BANK1: variants seen among roughly 807,000 people sequenced by gnomAD.
The protein encoded by BANK1 is B cell scaffold protein with ankyrin repeats 1, also known as B-cell scaffold protein with ankyrin repeats.
In BANK1, 95 loss-of-function variants were observed where a neutral mutation model predicts 94.5. The observed-to-expected ratio is 1.00, with a 90% confidence interval of 0.85 to 1.19. The LOEUF is 1.19. BANK1 is among the 50% of genes most tolerant of loss of function. BANK1 has a pLI of 0.00. For synonymous variants in BANK1, 334 were observed against 308.4 expected (o/e 1.08, Z -0.87); for missense variants, 987 against 932.2 (o/e 1.06, Z -0.77).
At chr4:101,805,964 A>C (rs1244095748) in intron 1 of BANK1, among the ~76,000 whole-genome samples, 1 of 152,076 alleles carries the variant, frequency 6.6e-6, no homozygotes. Flanking sequence ...TATAACTTTG[A>C]ATATTTAGTG....
intron 7 of BANK1, among the ~76,000 whole-genome samples, chr4:101,979,812 G>A (rs1398127093): frequency 6.6e-6 from 1 of 151,870 alleles, no homozygotes; most frequent in African/African-American, 2.4e-5. Flanking sequence ...ATGAAGATTA[G>A]TGCCCAATTT....
intron 1 of BANK1, among the ~76,000 whole-genome samples, chr4:101,808,041 C>T (rs928635616): frequency 4.7e-5 from 7 of 148,956 alleles, no homozygotes; most frequent in African/African-American, 7.5e-5. Flanking sequence ...GTGGAGATCA[C>T]ACGCCACTGC....
chr4:101,964,073 A>G lies in BANK1; in HGVS notation c.1206+45884A>G, dbSNP rs79861930. Among the ~76,000 whole-genome samples the G allele has an allele frequency of 3.1e-4, 47 of 152,184 alleles. 1 individual carries two copies. The East Asian group carries it at 8.9e-3, about 29-fold the overall frequency. On this transcript the variant is annotated intron_variant, in intron 7 of 16. Coordinates refer to ENST00000322953, the MANE Select transcript of BANK1 (RefSeq NM_017935.5). Reference sequence around the variant, plus strand: ...GGAACTATCATTTTGTCATCTTTATATCTTCTGCAGCATGTAGTGCTGCTT... The same window carrying G: ...GGAACTATCATTTTGTCATCTTTATGTCTTCTGCAGCATGTAGTGCTGCTT...
rs561012727 is a variant in BANK1 at position 102,065,580 on chromosome 4, A to C, written c.2212+2442A>C. Among the ~76,000 whole-genome samples the C allele has an allele frequency of 1.3e-3, 201 of 152,184 alleles. 1 individual carries two copies. The highest frequency in any genetic ancestry group is 4.8e-3 in the African/African-American group (198 of 41,564). ...AACTGTAATCTTAATGAAGAAAAAGAAACTATAGACGGAACCTGAGATGTT... is the reference window on the plus strand; with the variant it reads ...AACTGTAATCTTAATGAAGAAAAAGCAACTATAGACGGAACCTGAGATGTT... On this transcript the variant is annotated intron_variant, in intron 13 of 16. Transcript: ENST00000322953.
chr4:102,053,176 G>A (rs1440207091), intron 11 of BANK1, among the ~76,000 whole-genome samples: 1 of 152,054 alleles, frequency 6.6e-6, no homozygotes, highest in Non-Finnish European at 1.5e-5. Flanking sequence ...AGTATGACAG[G>A]TTTTTAAAAA....
At position 102,025,315 on chromosome 4, in the gene BANK1, A is replaced by G. The variant is rs201201343; in HGVS notation, c.1400A>G (p.Glu467Gly). 14 of 1,614,132 alleles carry G rather than the reference A, an allele frequency of 8.7e-6. No homozygotes were observed. In the African/African-American group the frequency reaches 1.9e-4, roughly 22 times the overall value. The stretch of plus-strand genomic sequence containing the variant: ...GGAAAACAGAATGGATCAGGCATGG[A>G]GACCAAACACAGCCCACTAGAGGTT... ...GEGKQNGSGM[E>G]TKHSPLEVGS... Residue 467 changes from glutamate to glycine, a missense_variant, in exon 9 of 17, where the codon GAG becomes GGG. By Grantham distance (98) the Glu-to-Gly change is moderately conservative. Coordinates refer to ENST00000322953, the MANE Select transcript of BANK1 (RefSeq NM_017935.5).
chr4:102,010,645 G>T (rs1739601893), intron 7 of BANK1, among the ~76,000 whole-genome samples: 1 of 151,964 alleles, frequency 6.6e-6, no homozygotes, highest in Admixed American at 6.6e-5. Context: ...CATCCACTTT[G>T]GCCTCCCAAA....
chr4:101,976,102 A>G (rs1346447506), intron 7 of BANK1, among the ~76,000 whole-genome samples: 2 of 152,172 alleles, frequency 1.3e-5, no homozygotes, highest in African/African-American at 4.8e-5. Flanking sequence ...AGGCATTTAA[A>G]GAAACATCTC....
intron 7 of BANK1, among the ~76,000 whole-genome samples, chr4:101,978,582 A>G (rs73834535): frequency 7.2e-5 from 11 of 152,234 alleles, no homozygotes; most frequent in African/African-American, 2.6e-4. Context: ...TTCCAGATCT[A>G]TAGAGCTTTT....
intron 8 of BANK1, among the ~76,000 whole-genome samples, chr4:102,022,136 A>G (rs1726933900): frequency 6.6e-6 from 1 of 152,054 alleles, no homozygotes. Context: ...TTATATGTGT[A>G]CGTAAACTCC....
chr4:102,045,305 G>A (rs865835522), intron 11 of BANK1, among the ~76,000 whole-genome samples: 12 of 152,054 alleles, frequency 7.9e-5, no homozygotes, highest in African/African-American at 1.4e-4. Context: ...TAATAAGAGC[G>A]TATCTATGAC....
chr4:102,042,290 G>GA (rs1410115974), intron 10 of BANK1, among the ~76,000 whole-genome samples: 13 of 151,768 alleles, frequency 8.6e-5, no homozygotes, highest in African/African-American at 2.9e-4. Flanking sequence ...TTTTATTTTA[G>GA]AAAAAATGTA....
intron 11 of BANK1, among the ~76,000 whole-genome samples, chr4:102,054,507 A>G (rs1728162810): frequency 6.6e-6 from 1 of 152,112 alleles, no homozygotes; most frequent in African/African-American, 2.4e-5. Flanking sequence ...ATACCATGTT[A>G]TACAATCTCC....
intron 7 of BANK1, among the ~76,000 whole-genome samples, chr4:101,960,007 C>A (rs774743932): frequency 2.6e-5 from 4 of 152,126 alleles, no homozygotes; most frequent in Non-Finnish European, 4.4e-5. Context: ...CAAGAAGGGA[C>A]TTGAGAAATG....
At chr4:101,806,520 T>G (rs1429997643) in intron 1 of BANK1, among the ~76,000 whole-genome samples, 1 of 152,216 alleles carries the variant, frequency 6.6e-6, no homozygotes, top group African/African-American at 2.4e-5. Context: ...GCCTTGGCTC[T>G]GTCACTAACA....
intron 7 of BANK1, among the ~76,000 whole-genome samples, chr4:101,949,056 G>C (rs150498917): frequency 6.6e-6 from 1 of 151,874 alleles, no homozygotes; most frequent in Admixed American, 6.6e-5. Context: ...TGGTCCTGTC[G>C]CTGAGGCTTG....
At chr4:101,940,138 T>C (rs961498716) in intron 7 of BANK1, among the ~76,000 whole-genome samples, 4 of 151,864 alleles carry the variant, frequency 2.6e-5, no homozygotes, top group South Asian at 4.1e-4. Context: ...TTGGACATGA[T>C]TATGAGATAT....
At chr4:102,025,629 A>G (rs1314225496) in intron 9 of BANK1, 120 bp downstream of exon 9, 3 of 894,776 alleles carry the variant, frequency 3.4e-6, no homozygotes, top group Non-Finnish European at 1.7e-6. Context: ...ACCAATAGCA[A>G]CATTCTTCCT....
intron 11 of BANK1, among the ~76,000 whole-genome samples, chr4:102,054,062 G>A (rs1578482136): frequency 6.6e-6 from 1 of 151,962 alleles, no homozygotes; most frequent in East Asian, 1.9e-4. Flanking sequence ...CATTCTCACA[G>A]AGCAGTAACA....
Sources: allele counts gnomAD v4.1 joint callset (sites outside exome capture counted in the v4.1 genomes callset), GRCh38; gene constraint gnomAD v4.1.1; transcripts MANE v1.5; gene names NCBI Gene and HGNC (gene_info 2026-07-23, HGNC 2026-07-21).